RPTOR: variants seen among roughly 807,000 people sequenced by gnomAD.
RPTOR encodes the protein regulatory associated protein of MTOR complex 1, also known as regulatory-associated protein of mTOR.
Under a neutral mutation model 169.9 loss-of-function variants are expected in RPTOR, and 21 were observed. The ratio of observed to expected loss-of-function variants is 0.12; its 90% confidence interval spans 0.09 to 0.18. RPTOR has a LOEUF of 0.18. Among genes scored for constraint, RPTOR ranks in the 10% least tolerant of loss-of-function variants. RPTOR has a pLI of 1.00. For synonymous variants in RPTOR, 732 were observed against 753.2 expected, an observed-to-expected ratio of 0.97 and a Z score of 0.46; for missense variants, 1,133 against 1,855.9, an observed-to-expected ratio of 0.61 and a Z score of 7.16.
chr17:80,747,346 C>A (rs146012392), intron 5 of RPTOR, among the ~76,000 whole-genome samples: 1 of 152,334 alleles, frequency 6.6e-6, no homozygotes, highest in East Asian at 1.9e-4. Context: ...TCCTCCTGGG[C>A]CTGGCAGACA....
chr17:80,877,674 T>C (rs34613006), intron 13 of RPTOR, among the ~76,000 whole-genome samples: 34,527 of 152,216 alleles, frequency 0.23, 4,158 homozygotes, highest in East Asian at 0.39. Flanking sequence ...GCTTTTTCTG[T>C]TGCCCTGGCC....
chr17:80,676,728 C>T (rs558915844), intron 3 of RPTOR, among the ~76,000 whole-genome samples: 1 of 152,208 alleles, frequency 6.6e-6, no homozygotes, highest in Non-Finnish European at 1.5e-5. Flanking sequence ...TGCGTGGTGG[C>T]TGAACTGCGG....
At chr17:80,956,220 A>T (rs1029107830) in intron 28 of RPTOR, among the ~76,000 whole-genome samples, 2 of 108,434 alleles carry the variant, frequency 1.8e-5, no homozygotes, top group East Asian at 5.6e-4. Flanking sequence ...ATGCTTCTCT[A>T]TGAAAAAAAA....
At chr17:80,589,907 C>G (rs2143404296) in intron 1 of RPTOR, among the ~76,000 whole-genome samples, 1 of 152,210 alleles carries the variant, frequency 6.6e-6, no homozygotes, top group South Asian at 2.1e-4. Flanking sequence ...TTTTTTCTAT[C>G]TGTGCTACAC....
intron 1 of RPTOR, among the ~76,000 whole-genome samples, chr17:80,575,973 A>G (rs1344190425): frequency 2.6e-5 from 4 of 152,226 alleles, no homozygotes; most frequent in Non-Finnish European, 5.9e-5. Context: ...GTGACTCTTT[A>G]TCCCTAATAA....
At chr17:80,891,992 C>T (rs886351084) in intron 18 of RPTOR, among the ~76,000 whole-genome samples, 155 bp downstream of exon 18, 1 of 152,184 alleles carries the variant, frequency 6.6e-6, no homozygotes, top group African/African-American at 2.4e-5. Context: ...TTTTAGGCAC[C>T]TGCCAGATTT....
rs1309523184 is a variant in RPTOR at position 80,831,801 on chromosome 17, GTATCCCTGTGTGTCACCA to G, written c.1137-6119_1137-6102del. ...ACTGTGTATCCCTGTGTGTCACCGT[GTATCCCTGTGTGTCACCA>G]TGTATCCCTGTGTGTCACTGTGTAT... On this transcript the variant is annotated intron_variant, in intron 9 of 33. Transcript: ENST00000306801. Among the ~76,000 whole-genome samples the G allele has an allele frequency of 2.6e-5, 4 of 151,654 alleles. No homozygotes were observed. The East Asian group carries it at 5.8e-4, about 22-fold the overall frequency.
intron 1 of RPTOR, among the ~76,000 whole-genome samples, chr17:80,590,559 G>A (rs980221326): frequency 1.6e-4 from 23 of 140,620 alleles, no homozygotes; most frequent in Admixed American, 2.1e-4. Flanking sequence ...GCAGGTATGC[G>A]CACATGCGTG....
intron 4 of RPTOR, among the ~76,000 whole-genome samples, chr17:80,718,101 C>G (rs1598252603): frequency 6.6e-6 from 1 of 152,162 alleles, no homozygotes; most frequent in African/African-American, 2.4e-5. Flanking sequence ...TGTACCTAGG[C>G]ACAAAGCTAC....
At chr17:80,688,322 G>A (rs189628501) in intron 3 of RPTOR, among the ~76,000 whole-genome samples, 1 of 152,316 alleles carries the variant, frequency 6.6e-6, no homozygotes, top group Admixed American at 6.5e-5. Context: ...CACAAAGAAG[G>A]TGAAGACTTT....
intron 14 of RPTOR, among the ~76,000 whole-genome samples, 156 bp downstream of exon 14, chr17:80,880,645 G>A (rs144728314): frequency 2.6e-5 from 4 of 152,372 alleles, no homozygotes; most frequent in African/African-American, 7.2e-5. Context: ...ACTGCTTCAC[G>A]TTAGACATGG....
chr17:80,885,184 C>T (rs2068231174), intron 17 of RPTOR, 36 bp downstream of exon 17: 1 of 1,543,788 alleles, frequency 6.5e-7, no homozygotes, highest in Non-Finnish European at 8.7e-7. Flanking sequence ...AGCAGGGCAC[C>T]CAGGCTGGAC....
chr17:80,854,786 C>G (rs962142349), intron 11 of RPTOR, among the ~76,000 whole-genome samples: 1 of 152,148 alleles, frequency 6.6e-6, no homozygotes, highest in Non-Finnish European at 1.5e-5. Flanking sequence ...CCTAGCTACT[C>G]AGGGTTTGAG....
intron 1 of RPTOR, among the ~76,000 whole-genome samples, chr17:80,618,141 C>T (rs572768378): frequency 2.0e-5 from 3 of 152,036 alleles, no homozygotes; most frequent in African/African-American, 7.2e-5. Flanking sequence ...CCACCACAGC[C>T]GGCTAATTTA....
intron 3 of RPTOR, among the ~76,000 whole-genome samples, chr17:80,661,864 C>T (rs182088857): frequency 3.3e-5 from 5 of 152,222 alleles, no homozygotes; most frequent in East Asian, 1.9e-4. Flanking sequence ...GACCCTGCAC[C>T]GCTCGAGATT....
At chr17:80,661,993 G>T (rs1027929723) in intron 3 of RPTOR, among the ~76,000 whole-genome samples, 5 of 152,120 alleles carry the variant, frequency 3.3e-5, no homozygotes, top group Non-Finnish European at 7.4e-5. Flanking sequence ...ATCTCTTAAA[G>T]CTTAGAACAC....
At chr17:80,735,527 C>T (rs903358295) in intron 5 of RPTOR, among the ~76,000 whole-genome samples, 9 of 152,162 alleles carry the variant, frequency 5.9e-5, no homozygotes, top group East Asian at 1.9e-4. Flanking sequence ...CTCTTGGAAA[C>T]GGAGCCCATG....
intron 5 of RPTOR, among the ~76,000 whole-genome samples, chr17:80,747,949 G>C (rs896635172): frequency 6.6e-6 from 1 of 152,244 alleles, no homozygotes; most frequent in African/African-American, 2.4e-5. Context: ...ATGGTGGGAG[G>C]ACCTGTTGGA....
intron 28 of RPTOR, among the ~76,000 whole-genome samples, chr17:80,956,311 TG>T (rs555940596): frequency 6.6e-6 from 1 of 152,350 alleles, no homozygotes; most frequent in African/African-American, 2.4e-5. Context: ...TGTTCCTTTC[TG>T]TATCTTAAAA....
Sources: gnomAD v4.1 joint callset for allele counts (sites outside exome capture counted in the v4.1 genomes callset) on GRCh38, gnomAD v4.1.1 for gene constraint, MANE v1.5 for transcripts, NCBI Gene and HGNC (gene_info 2026-07-23, HGNC 2026-07-21) for gene names.